FNIP1: variants seen among roughly 807,000 people sequenced by gnomAD.
FNIP1 encodes folliculin-interacting protein 1.
In FNIP1, 40 loss-of-function variants were observed where a neutral mutation model predicts 124.5. That is an observed-to-expected ratio of 0.32 (90% CI 0.25 to 0.42). The LOEUF is 0.42. Among genes scored for constraint, FNIP1 ranks in the 10% least tolerant of loss-of-function variants. The pLI, the probability that FNIP1 is intolerant of heterozygous loss-of-function variation, is 1.00. For synonymous variants in FNIP1, 472 were observed against 470.6 expected, an observed-to-expected ratio of 1.00 and a Z score of -0.04; for missense variants, 1,176 against 1,403.7, an observed-to-expected ratio of 0.84 and a Z score of 2.59.
chr5:131,683,654 G>C (rs779156239), intron 11 of FNIP1, among the ~76,000 whole-genome samples: 1 of 151,358 alleles, frequency 6.6e-6, no homozygotes, highest in Non-Finnish European at 1.5e-5. Flanking sequence ...TTTTTAATGT[G>C]TATTTTTTTA....
intron 1 of FNIP1, among the ~76,000 whole-genome samples, chr5:131,782,516 G>A (rs1028977275): frequency 1.3e-5 from 2 of 148,668 alleles, no homozygotes; most frequent in Non-Finnish European, 3.0e-5. Context: ...AGTGAGCCAA[G>A]ATTACGCCAC....
intron 11 of FNIP1, among the ~76,000 whole-genome samples, chr5:131,690,325 T>A (rs1768436082): frequency 3.3e-5 from 5 of 152,166 alleles, no homozygotes; most frequent in Admixed American, 3.3e-4. Context: ...GAATAACCGA[T>A]AAGGTTAGGC....
At chr5:131,674,616 G>C (rs1427362958) in intron 13 of FNIP1, among the ~76,000 whole-genome samples, 1 of 152,104 alleles carries the variant, frequency 6.6e-6, no homozygotes, top group Non-Finnish European at 1.5e-5. Context: ...TACCTGAGAG[G>C]CTGAGGCGGA....
At chr5:131,649,450 T>C (rs1037065458) in intron 16 of FNIP1, among the ~76,000 whole-genome samples, 1 of 152,228 alleles carries the variant, frequency 6.6e-6, no homozygotes, top group African/African-American at 2.4e-5. Flanking sequence ...TGGCCATTTG[T>C]ATATTTTCTT....
At chr5:131,736,931 A>G (rs1238016315) in intron 2 of FNIP1, among the ~76,000 whole-genome samples, 2 of 152,204 alleles carry the variant, frequency 1.3e-5, no homozygotes, top group African/African-American at 4.8e-5. Flanking sequence ...AGAAAAGCAA[A>G]AGTTCTTTGT....
chr5:131,653,835 G>A (rs564851891), intron 15 of FNIP1, among the ~76,000 whole-genome samples: 6 of 152,210 alleles, frequency 3.9e-5, no homozygotes, highest in South Asian at 2.1e-4. Context: ...TCCACCTCCC[G>A]GGTTCAAGTG....
intron 15 of FNIP1, among the ~76,000 whole-genome samples, chr5:131,667,724 G>A (rs566927575): frequency 1.3e-5 from 2 of 152,256 alleles, no homozygotes; most frequent in South Asian, 2.1e-4. Context: ...AAGCAGCTGG[G>A]ATTACAGGCA....
intron 9 of FNIP1, among the ~76,000 whole-genome samples, chr5:131,706,050 A>G (rs1306541580): frequency 6.6e-6 from 1 of 152,198 alleles, no homozygotes; most frequent in African/African-American, 2.4e-5. Flanking sequence ...GAAAATTCAT[A>G]AAGACAGAAA....
intron 1 of FNIP1, 23 bp downstream of exon 1, chr5:131,796,807 A>C (rs1292108117): frequency 1.3e-6 from 2 of 1,556,550 alleles, no homozygotes; most frequent in Non-Finnish European, 1.7e-6. Context: ...CGGCTCCGCG[A>C]CCCCCGCCCC....
At chr5:131,793,705 T>G (rs1348685798) in intron 1 of FNIP1, among the ~76,000 whole-genome samples, 1 of 152,182 alleles carries the variant, frequency 6.6e-6, no homozygotes, top group Non-Finnish European at 1.5e-5. Flanking sequence ...TCTCTCCTAT[T>G]CTAAAGTCCT....
chr5:131,767,300 GCA>G (rs1771461277), intron 1 of FNIP1, among the ~76,000 whole-genome samples: 1 of 151,548 alleles, frequency 6.6e-6, no homozygotes, highest in African/African-American at 2.4e-5. Context: ...GGCATGGTGT[GCA>G]CCTGTAGTCC....
chr5:131,698,791 T>A (rs958936938), intron 11 of FNIP1, 126 bp downstream of exon 11: 1 of 683,370 alleles, frequency 1.5e-6, no homozygotes, highest in Non-Finnish European at 2.3e-6. Flanking sequence ...AATGGTCTAC[T>A]GAATTACACC....
intron 2 of FNIP1, among the ~76,000 whole-genome samples, chr5:131,741,358 A>G (rs1770507745): frequency 6.6e-6 from 1 of 152,222 alleles, no homozygotes; most frequent in Non-Finnish European, 1.5e-5. Flanking sequence ...TTCAACTTAC[A>G]TAAGACACTA....
At chr5:131,761,787 A>C (rs1401065875) in intron 1 of FNIP1, among the ~76,000 whole-genome samples, 1 of 152,172 alleles carries the variant, frequency 6.6e-6, no homozygotes, top group Non-Finnish European at 1.5e-5. Context: ...GGAACCACAA[A>C]AGATCCAGAA....
At chr5:131,767,631 G>T (rs1379854912) in intron 1 of FNIP1, among the ~76,000 whole-genome samples, 1 of 152,002 alleles carries the variant, frequency 6.6e-6, no homozygotes, top group Non-Finnish European at 1.5e-5. Context: ...GATAATGAAT[G>T]TAATAAAACT....
intron 15 of FNIP1, among the ~76,000 whole-genome samples, chr5:131,660,289 G>A (rs1433282647): frequency 6.6e-6 from 1 of 152,172 alleles, no homozygotes; most frequent in Non-Finnish European, 1.5e-5. Flanking sequence ...GAAAGTAGGA[G>A]AGGAGTTTGA....
At chr5:131,753,801 C>T (rs1360176482) in intron 1 of FNIP1, among the ~76,000 whole-genome samples, 1 of 151,804 alleles carries the variant, frequency 6.6e-6, no homozygotes, top group Non-Finnish European at 1.5e-5. Flanking sequence ...ACATTATGGA[C>T]ATCTCATTAA....
chr5:131,736,561 C>T (rs1770312122), intron 2 of FNIP1, among the ~76,000 whole-genome samples: 3 of 152,210 alleles, frequency 2.0e-5, no homozygotes, highest in Admixed American at 2.0e-4. Flanking sequence ...GAGCAGTGGG[C>T]AAGTGAGCAT....
intron 15 of FNIP1, among the ~76,000 whole-genome samples, chr5:131,668,595 G>T (rs1561644859): frequency 6.6e-6 from 1 of 152,198 alleles, no homozygotes; most frequent in Non-Finnish European, 1.5e-5. Flanking sequence ...TGAGGCAAGA[G>T]AATCACTTGA....
Sources: gnomAD v4.1 joint callset for allele counts (sites outside exome capture counted in the v4.1 genomes callset) on GRCh38, gnomAD v4.1.1 for gene constraint, MANE v1.5 for transcripts, NCBI Gene and HGNC (gene_info 2026-07-23, HGNC 2026-07-21) for gene names.